The following FRAS1 variants were observed in gnomAD, a reference collection of about 807,000 sequenced individuals.
FRAS1 encodes the protein Fraser extracellular matrix complex subunit 1.
FRAS1 carries 290 observed loss-of-function variants against 435.2 expected under a neutral mutation model. The observed-to-expected ratio is 0.67, with a 90% CI of 0.61 to 0.73. FRAS1 has a LOEUF of 0.73. FRAS1 is among the 30% of genes least tolerant of loss of function. FRAS1 has a pLI of 0.00. For missense variants in FRAS1, 4,860 were observed against 5,001.5 expected, an observed-to-expected ratio of 0.97 and a Z score of 0.85; for synonymous variants, 1,800 against 1,851.0, an observed-to-expected ratio of 0.97 and a Z score of 0.71.
chr4:78,488,622 A>G (rs1288729151), intron 58 of FRAS1, among the ~76,000 whole-genome samples: 1 of 152,200 alleles, frequency 6.6e-6, no homozygotes, highest in Non-Finnish European at 1.5e-5. Context: ...AGCATTTTGA[A>G]GTTGTACAAA....
chr4:78,252,400 A>C lies in FRAS1; in HGVS notation c.318A>C (p.Thr106=). The C allele has an allele frequency of 6.2e-7, 1 of 1,613,624 alleles. No homozygotes were observed. The highest frequency in any genetic ancestry group is 2.2e-5 in the East Asian group (1 of 44,856). The stretch of plus-strand genomic sequence containing the variant: ...GTCTCCCTAACACACAGCATGGGAC[A>C]GAATGGGCCTCTTCTCCATGTAGTG... ...HHEKKIHEHG[T]EWASSPCSVC... is the part of the protein sequence containing the mutation. Residue 106 remains threonine, a synonymous_variant, in exon 5 of 74, where the codon ACA becomes ACC. Coordinates refer to ENST00000512123, the MANE Select transcript of FRAS1 (RefSeq NM_025074.7).
rs770242702 is a variant in FRAS1, at chr4:78,448,135, G to C, written c.6093G>C (p.Gln2031His). The stretch of plus-strand genomic sequence containing the variant: ...TCCAGGGCTCAACCTTCACCTACCA[G>C]GATATCCTAGCTGGGCTGGTTGGGT... The part of the protein sequence containing the change: ...VLVQGSTFTY[Q>H]DILAGLVGYV... Residue 2031 changes from glutamine to histidine, a missense_variant, in exon 44 of 74, where the codon CAG (glutamine) becomes CAC (histidine). Physicochemically the swap from Gln to His is conservative, Grantham distance 24. Coordinates refer to ENST00000512123, the MANE Select transcript of FRAS1 (RefSeq NM_025074.7). The C allele has an allele frequency of 1.2e-6, 2 of 1,613,588 alleles. No individual in the cohort carries two copies. The highest frequency in any genetic ancestry group is 1.3e-5 in the African/African-American group (1 of 74,890).
intron 64 of FRAS1, 34 bp downstream of exon 64, chr4:78,511,540 T>G (rs1193906300): frequency 8.2e-6 from 12 of 1,456,228 alleles, no homozygotes; most frequent in African/African-American, 1.4e-5. Flanking sequence ...CACACATAGA[T>G]TGAAGTGAAT....
At chr4:78,223,481 A>G (rs1724139304) in intron 2 of FRAS1, among the ~76,000 whole-genome samples, 1 of 152,194 alleles carries the variant, frequency 6.6e-6, no homozygotes. Context: ...TAATTTGATC[A>G]TCTTGGTGGT....
intron 9 of FRAS1, among the ~76,000 whole-genome samples, chr4:78,273,407 T>C (rs1726819069): frequency 6.6e-6 from 1 of 152,210 alleles, no homozygotes; most frequent in African/African-American, 2.4e-5. Flanking sequence ...TCAAAGGGAA[T>C]GCTTCCAGTT....
At chr4:78,310,001 G>GAGA (rs946258303) in intron 15 of FRAS1, among the ~76,000 whole-genome samples, 40 of 152,178 alleles carry the variant, frequency 2.6e-4, no homozygotes, top group African/African-American at 9.4e-4. Context: ...ACTTGTCTTA[G>GAGA]AGAAGAGAGC....
chr4:78,104,475 G>C (rs1180674593), intron 2 of FRAS1, among the ~76,000 whole-genome samples: 2 of 152,196 alleles, frequency 1.3e-5, no homozygotes, highest in Non-Finnish European at 2.9e-5. Flanking sequence ...GATCTTATCT[G>C]TATACAACTT....
At chr4:78,412,887 C>A in intron 31 of FRAS1, 82 bp from the exon 32 acceptor site, 1 of 673,882 alleles carries the variant, frequency 1.5e-6, no homozygotes. Context: ...AGACAGCTGG[C>A]TTAAAAGAGG....
intron 2 of FRAS1, among the ~76,000 whole-genome samples, chr4:78,136,171 G>T (rs931564954): frequency 1.3e-5 from 2 of 152,162 alleles, no homozygotes; most frequent in Non-Finnish European, 2.9e-5. Context: ...AGCACTGTGT[G>T]CATGGGTCAT....
At chr4:78,533,496 C>T (rs1362337762) in intron 70 of FRAS1, among the ~76,000 whole-genome samples, 1 of 152,134 alleles carries the variant, frequency 6.6e-6, no homozygotes, top group Non-Finnish European at 1.5e-5. Context: ...CCGGTCATGG[C>T]AAAAATATTG....
chr4:78,372,443 C>G (rs1158260526), intron 23 of FRAS1, among the ~76,000 whole-genome samples: 2 of 152,180 alleles, frequency 1.3e-5, no homozygotes, highest in Non-Finnish European at 2.9e-5. Flanking sequence ...CCAGAGTGAT[C>G]TGGTTTCTCA....
chr4:78,499,920 C>A lies in FRAS1; in HGVS notation c.9315C>A (p.Pro3105=). 1 of 1,533,062 alleles carries A rather than the reference C, an allele frequency of 6.5e-7. No homozygotes were observed. Among genetic ancestry groups the A allele is most frequent in the South Asian group, 1.3e-5 (1 of 77,032 alleles). 95.0% of individuals were successfully genotyped at this position (1,533,062 alleles called of 1,614,324 possible). A position where few individuals can be genotyped will look rare whatever the true frequency, so the allele number is the denominator to read the frequency against. The change falls in exon 61 of 74, where the codon CCC becomes CCA. Residue 3105 remains proline (P), a splice_region_variant and synonymous_variant. Transcript: ENST00000512123. ...AGAGCCGAGTCTTGAAGTTCAGTCC[C>A]GGTAATTGAATGCCAACCTCAATCT... ...YPKSRVLKFS[P]GVDHIFFKVE...
At chr4:78,319,062 C>A in intron 18 of FRAS1, 76 bp downstream of exon 18, 1 of 1,382,742 alleles carries the variant, frequency 7.2e-7, no homozygotes, top group Non-Finnish European at 1.0e-6. Context: ...GGGACCAAAG[C>A]CAGGAAGACC....
At chr4:78,522,591 A>T in intron 68 of FRAS1, 58 bp from the exon 69 acceptor site, 1 of 1,407,730 alleles carries the variant, frequency 7.1e-7, no homozygotes, top group Non-Finnish European at 9.7e-7. Flanking sequence ...TACCAGGTAC[A>T]GTCAAACTAA....
chr4:78,405,201 G>A (rs1184279549), intron 30 of FRAS1, among the ~76,000 whole-genome samples: 1 of 152,124 alleles, frequency 6.6e-6, no homozygotes, highest in East Asian at 1.9e-4. Context: ...GGAAAATTCT[G>A]CTTTGCTTTT....
chr4:78,078,157 G>C (rs1740742835), intron 2 of FRAS1, among the ~76,000 whole-genome samples: 1 of 151,968 alleles, frequency 6.6e-6, no homozygotes, highest in Non-Finnish European at 1.5e-5. Context: ...ATTCATTATG[G>C]ATAGACTATA....
chr4:78,216,958 C>G lies in FRAS1; in HGVS notation c.109-20552C>G, dbSNP rs528790544. ...ATAAGACTGGAGCAAAGTCAGGGGC[C>G]TGGCAGACCTGATGAGAAATTTAAG... On this transcript the variant is annotated intron_variant, in intron 2 of 73. Coordinates refer to ENST00000512123, the MANE Select transcript of FRAS1 (RefSeq NM_025074.7). Among the ~76,000 whole-genome samples the G allele has an allele frequency of 3.8e-3, 584 of 152,266 alleles. 3 individuals carry two copies. The highest frequency in any genetic ancestry group is 3.8e-3 in the Non-Finnish European group (259 of 68,026).
intron 29 of FRAS1, among the ~76,000 whole-genome samples, chr4:78,397,791 G>A (rs928839140): frequency 6.6e-6 from 1 of 152,166 alleles, no homozygotes; most frequent in African/African-American, 2.4e-5. Flanking sequence ...CTCTTAGGCA[G>A]CATCCCACAA....
chr4:78,463,227 A>G (rs1719423060), intron 47 of FRAS1, among the ~76,000 whole-genome samples: 1 of 152,188 alleles, frequency 6.6e-6, no homozygotes, highest in African/African-American at 2.4e-5. Context: ...AAGCAGAGAT[A>G]TTGCACATTT....
Sources: gnomAD v4.1 joint callset for allele counts (sites outside exome capture counted in the v4.1 genomes callset) on GRCh38, gnomAD v4.1.1 for gene constraint, MANE v1.5 for transcripts, NCBI Gene and HGNC (gene_info 2026-07-23, HGNC 2026-07-21) for gene names.